The following DYM variants were observed in gnomAD, a reference collection of about 807,000 sequenced individuals.
DYM encodes the protein dymeclin.
In DYM, 78 loss-of-function variants were observed where a neutral mutation model predicts 93.1. The ratio of observed to expected loss-of-function variants is 0.84; its 90% confidence interval spans 0.70 to 1.01. DYM has a LOEUF of 1.01. Ranked by LOEUF, DYM falls within the 50% of genes least tolerant of loss-of-function variation. DYM has a pLI of 0.00. For synonymous variants in DYM, 321 were observed against 319.7 expected (o/e 1.00, Z -0.04); for missense variants, 789 against 845.0 (o/e 0.93, Z 0.82).
intron 3 of DYM, among the ~76,000 whole-genome samples, chr18:49,389,847 G>A (rs1355289931): frequency 6.7e-6 from 1 of 149,630 alleles, no homozygotes; most frequent in African/African-American, 2.4e-5. Context: ...TTTTCTTAAT[G>A]TAATTTTTTC....
chr18:49,246,578 G>C (rs999730973), intron 13 of DYM, among the ~76,000 whole-genome samples: 1 of 152,206 alleles, frequency 6.6e-6, no homozygotes, highest in Admixed American at 6.5e-5. Flanking sequence ...TTCTGCAACA[G>C]TGTTCACTTG....
chr18:49,420,766 G>A (rs568990497), intron 2 of DYM, among the ~76,000 whole-genome samples: 1 of 152,254 alleles, frequency 6.6e-6, no homozygotes, highest in South Asian at 2.1e-4. Context: ...TCCTAGCCAA[G>A]GGAAGCCGTG....
At chr18:49,386,019 C>T (rs972320072) in intron 3 of DYM, among the ~76,000 whole-genome samples, 7 of 151,852 alleles carry the variant, frequency 4.6e-5, no homozygotes, top group Non-Finnish European at 1.0e-4. Flanking sequence ...GCTATGTTGC[C>T]CAGGCTGGCA....
At chr18:49,329,715 A>T (rs1270791180) in intron 8 of DYM, 4 of 152,262 alleles carry the variant, frequency 2.6e-5, no homozygotes, top group African/African-American at 9.6e-5. Context: ...ACTCTGTTTC[A>T]AAGGAAATAA....
At chr18:49,107,053 T>C (rs1568431420) in intron 16 of DYM, among the ~76,000 whole-genome samples, 1 of 152,250 alleles carries the variant, frequency 6.6e-6, no homozygotes, top group South Asian at 2.1e-4. Context: ...CAATCAGACG[T>C]AGATTCGGTC....
Position 49,258,444 on chromosome 18 carries a change from G to C in DYM, c.1301C>G (p.Ser434Cys). 1 of 1,613,648 alleles carries C rather than the reference G, an allele frequency of 6.2e-7. No individual in the cohort carries two copies. The highest frequency in any genetic ancestry group is 1.3e-5 in the African/African-American group (1 of 75,022). ...CACCAGGATCAGGAGACTCCCCAAGGAGATTTCAGTTAAAACTCGTTCTGA... is the reference window on the plus strand; with the variant it reads ...CACCAGGATCAGGAGACTCCCCAAGCAGATTTCAGTTAAAACTCGTTCTGA... Reference protein sequence around the residue: ...WYSERVLTEISLGSLLILVVI... With the variant: ...WYSERVLTEICLGSLLILVVI... The change falls in exon 12 of 18, where the codon TCC becomes TGC. Residue 434 changes from serine to cysteine, a missense_variant. This residue lies in a region of DYM where 225 missense variants were observed against 303.0 expected (regional missense o/e 0.74). Transcript: ENST00000675505.
intron 8 of DYM, among the ~76,000 whole-genome samples, chr18:49,309,836 A>G (rs1363108305): frequency 6.6e-6 from 1 of 152,198 alleles, no homozygotes; most frequent in Admixed American, 6.5e-5. Context: ...TGGCCAACAT[A>G]AATCTCCCTG....
intron 8 of DYM, among the ~76,000 whole-genome samples, chr18:49,321,876 G>A (rs1313458173): frequency 6.6e-6 from 1 of 152,034 alleles, no homozygotes; most frequent in African/African-American, 2.4e-5. Context: ...AGTTAGAAGT[G>A]TTTTAATTAG....
chr18:49,135,062 C>T (rs1347594473), intron 15 of DYM, among the ~76,000 whole-genome samples: 9 of 152,080 alleles, frequency 5.9e-5, no homozygotes, highest in East Asian at 1.9e-4. Context: ...GAGCTGATAT[C>T]GTGTCACTGC....
intron 17 of DYM, among the ~76,000 whole-genome samples, chr18:49,064,619 A>G (rs1365797732): frequency 1.3e-5 from 2 of 152,186 alleles, no homozygotes; most frequent in African/African-American, 4.8e-5. Context: ...AGCTAGACTG[A>G]TGCAAGGGAA....
At position 49,274,278 on chromosome 18, in the gene DYM, T is replaced by C. The variant is rs1021242965; in HGVS notation, c.1126-1975A>G. Among the ~76,000 whole-genome samples the C allele has an allele frequency of 3.3e-5, 5 of 152,290 alleles. No homozygotes were observed. In the East Asian group the frequency reaches 9.6e-4, roughly 29 times the overall value. On this transcript the variant is annotated intron_variant, in intron 10 of 17. Transcript: ENST00000675505. ...GTAGATTTTTGTGACTTTCTTTCAC[T>C]GAACATGTTACCAAAGTTCATCCAT...
At chr18:49,101,322 C>T (rs192507522) in intron 16 of DYM, among the ~76,000 whole-genome samples, 177 of 152,300 alleles carry the variant, frequency 1.2e-3, no homozygotes, top group African/African-American at 3.8e-3. Flanking sequence ...TTACAACCCT[C>T]CTCTACCTAC....
chr18:49,099,150 A>T (rs357872), intron 16 of DYM, among the ~76,000 whole-genome samples: 22,706 of 152,246 alleles, frequency 0.15, 2,069 homozygotes, highest in Admixed American at 0.23. Flanking sequence ...TAAAAAATAA[A>T]AAAATGGTAA....
intron 13 of DYM, among the ~76,000 whole-genome samples, chr18:49,238,040 T>C (rs2093925083): frequency 6.6e-6 from 1 of 152,142 alleles, no homozygotes; most frequent in South Asian, 2.1e-4. Context: ...TACATTGTCA[T>C]TTTGCACAAA....
chr18:49,242,660 C>T (rs2094047232), intron 13 of DYM, among the ~76,000 whole-genome samples: 1 of 152,104 alleles, frequency 6.6e-6, no homozygotes. Context: ...AAGGGAAGTA[C>T]ACCCAAAAAC....
At chr18:49,247,403 T>C (rs1269450531) in intron 13 of DYM, among the ~76,000 whole-genome samples, 1 of 152,188 alleles carries the variant, frequency 6.6e-6, no homozygotes, top group Non-Finnish European at 1.5e-5. Context: ...TCTACAAAAC[T>C]GTAGCAGGTA....
At chr18:49,279,396 G>A (rs1008785626) in intron 10 of DYM, among the ~76,000 whole-genome samples, 3 of 152,170 alleles carry the variant, frequency 2.0e-5, no homozygotes, top group Non-Finnish European at 4.4e-5. Context: ...AATCAGATCA[G>A]CACAGTAAAT....
intron 15 of DYM, among the ~76,000 whole-genome samples, chr18:49,147,874 C>T (rs1378139989): frequency 6.6e-6 from 1 of 152,164 alleles, no homozygotes. Context: ...AAACATGCTG[C>T]TATAAAGACA....
intron 16 of DYM, among the ~76,000 whole-genome samples, chr18:49,103,187 T>A (rs1449007453): frequency 1.3e-5 from 2 of 152,252 alleles, no homozygotes; most frequent in Non-Finnish European, 2.9e-5. Flanking sequence ...CATTTTTTCA[T>A]GTGTCTTTTG....
Sources: gnomAD v4.1 joint callset for allele counts (sites outside exome capture counted in the v4.1 genomes callset) on GRCh38, gnomAD v4.1.1 for gene constraint, gnomAD v4.1.1 regional missense constraint, MANE v1.5 for transcripts, NCBI Gene and HGNC (gene_info 2026-07-23, HGNC 2026-07-21) for gene names.